Variants in OAF observed in about 807,000 individuals in gnomAD.
OAF encodes out at first homolog.
In OAF, 13 loss-of-function variants were observed where a neutral mutation model predicts 22.5. The ratio of observed to expected loss-of-function variants is 0.58; its 90% CI spans 0.38 to 0.92. The LOEUF (loss-of-function observed/expected upper bound fraction) is 0.92, where lower values mean the gene tolerates loss of function less well. OAF is among the 40% of genes least tolerant of loss of function. OAF has a pLI of 0.00. For missense variants in OAF, 347 were observed against 381.8 expected (o/e 0.91, Z 0.76); for synonymous variants, 175 against 170.5 (o/e 1.03, Z -0.21).
rs146459513 is a variant in OAF, at chr11:120,223,896, G to A, written c.232-1765G>A. Among the ~76,000 whole-genome samples, 492 of 152,288 alleles carry A rather than the reference G, an allele frequency of 3.2e-3. 2 individuals carry two copies. The highest frequency in any genetic ancestry group is 5.6e-3 in the Non-Finnish European group (384 of 68,028). On this transcript the variant is annotated intron_variant, in intron 1 of 3. Transcript: ENST00000328965. The stretch of plus-strand genomic sequence containing the variant: ...CTCAAGCTCTAGCAGGGGAAGTCTG[G>A]TATCAAGTCTCACCTGGCAGGAATT...
intron 3 of OAF, among the ~76,000 whole-genome samples, chr11:120,228,465 A>G (rs1938391146): frequency 1.3e-5 from 2 of 152,138 alleles, no homozygotes; most frequent in African/African-American, 4.8e-5. Flanking sequence ...CGGTATGGTG[A>G]TTTTTTAAAG....
At chr11:120,226,197 G>A (rs1371423503) in intron 2 of OAF, among the ~76,000 whole-genome samples, 1 of 152,150 alleles carries the variant, frequency 6.6e-6, no homozygotes, top group Non-Finnish European at 1.5e-5. Context: ...CATCTCCTCC[G>A]TCACTCATTA....
At chr11:120,223,929 GA>G (rs1938315655) in intron 1 of OAF, among the ~76,000 whole-genome samples, 1 of 152,220 alleles carries the variant, frequency 6.6e-6, no homozygotes, top group Non-Finnish European at 1.5e-5. Context: ...ATTGAGCCCA[GA>G]ATGGAATATG....
At chr11:120,223,205 G>A (rs1349769827) in intron 1 of OAF, among the ~76,000 whole-genome samples, 1 of 152,212 alleles carries the variant, frequency 6.6e-6, no homozygotes, top group Non-Finnish European at 1.5e-5. Context: ...CTTTAGCTGA[G>A]CATCAAGGAG....
Position 120,230,155 on chromosome 11 carries a change from A to G in OAF, c.*1013A>G, listed in dbSNP as rs1025934800. On this transcript the variant is annotated 3_prime_UTR_variant, in exon 4 of 4. Coordinates refer to ENST00000328965, the MANE Select transcript of OAF (RefSeq NM_178507.4). ...CTGCACCCAAGACAATGAGACAGAC[A>G]TAGCTGCAACCGTAGTAAGCCAGTC... 4 of 152,234 alleles carry G rather than the reference A, an allele frequency of 2.6e-5. No homozygotes were observed. Among genetic ancestry groups the G allele is most frequent in the South Asian group, 2.1e-4 (1 of 4,830 alleles). 9.4% of individuals were successfully genotyped at this position (152,234 alleles called of 1,614,324 possible). A position where few individuals can be genotyped will look rare whatever the true frequency, so the allele number is the denominator to read the frequency against.
rs560711886 is a variant in OAF at position 120,224,807 on chromosome 11, A to G, written c.232-854A>G. 6.6e-5 allele frequency among the ~76,000 whole-genome samples: 10 copies of G among 152,312 alleles called. No individual in the cohort carries two copies. In the South Asian group the frequency reaches 2.1e-3, roughly 32 times the overall value. On this transcript the variant is annotated intron_variant, in intron 1 of 3. Coordinates refer to ENST00000328965, the MANE Select transcript of OAF (RefSeq NM_178507.4). Reference sequence around the variant, plus strand: ...TAACTTCTCACTGGGAGCAGAGTTAATCAAGTCACAGAGATGGGTAAGAAG... The same window carrying G: ...TAACTTCTCACTGGGAGCAGAGTTAGTCAAGTCACAGAGATGGGTAAGAAG...
At chr11:120,216,452 A>T (rs1014642501) in intron 1 of OAF, among the ~76,000 whole-genome samples, 17 of 152,206 alleles carry the variant, frequency 1.1e-4, no homozygotes, top group African/African-American at 4.1e-4. Context: ...GGAGAGGCCC[A>T]GACTTTTCTG....
intron 1 of OAF, among the ~76,000 whole-genome samples, chr11:120,219,182 C>T (rs1938250520): frequency 6.6e-6 from 1 of 151,750 alleles, no homozygotes; most frequent in Non-Finnish European, 1.5e-5. Flanking sequence ...CTGCCGGCAA[C>T]AGGGAGACTG....
intron 1 of OAF, among the ~76,000 whole-genome samples, chr11:120,223,739 C>G (rs1938312141): frequency 6.6e-6 from 1 of 152,220 alleles, no homozygotes; most frequent in Non-Finnish European, 1.5e-5. Context: ...CCGGATATTT[C>G]CTGCACCTGC....
In OAF at chr11:120,227,003, T is replaced by A; in HGVS notation, c.547+7T>A. ...CGGTTCTGGCTGGAGCAAGGTCAGCTGGGAGCTGGGCACTGCCCGCTGCTG... is the reference window on the plus strand; with the variant it reads ...CGGTTCTGGCTGGAGCAAGGTCAGCAGGGAGCTGGGCACTGCCCGCTGCTG... On this transcript the variant is annotated splice_region_variant and intron_variant, in intron 3 of 3. Transcript: ENST00000328965. The A allele has an allele frequency of 1.9e-6, 3 of 1,587,494 alleles. 1 individual carries two copies. In the South Asian group the frequency reaches 3.4e-5, roughly 18 times the overall value.
chr11:120,222,961 C>T (rs1032730824), intron 1 of OAF, among the ~76,000 whole-genome samples: 1 of 152,158 alleles, frequency 6.6e-6, no homozygotes, highest in African/African-American at 2.4e-5. Context: ...GCAGGGCAGG[C>T]AGGCGGGTTA....
chr11:120,226,898 A>C lies in OAF; in HGVS notation c.449A>C (p.Gln150Pro). The C allele has an allele frequency of 6.2e-7, 1 of 1,612,640 alleles. No homozygotes were observed. The highest frequency in any genetic ancestry group is 8.5e-7 in the Non-Finnish European group (1 of 1,178,894). ...ATGGATGTCGCTGTCAACTTCAGCC[A>C]GGGGGCCCTGCTGAGCCCCCATCTC... Reference protein sequence around the residue: ...LHMDVAVNFSQGALLSPHLHN... With the variant: ...LHMDVAVNFSPGALLSPHLHN... Residue 150 changes from glutamine (Q) to proline (P), a missense_variant, in exon 3 of 4, where the codon CAG becomes CCG. Gln to Pro is a moderately conservative substitution (Grantham distance 76, BLOSUM62 -1). Transcript: ENST00000328965.
Position 120,213,067 on chromosome 11 carries a change from C to A in OAF, c.231+1557C>A, listed in dbSNP as rs190031975. 8.5e-4 allele frequency among the ~76,000 whole-genome samples: 129 copies of A among 152,098 alleles called. 1 individual carries two copies. The highest frequency in any genetic ancestry group is 1.3e-3 in the Non-Finnish European group (89 of 68,008). On this transcript the variant is annotated intron_variant, in intron 1 of 3. Coordinates refer to ENST00000328965, the MANE Select transcript of OAF (RefSeq NM_178507.4). The stretch of plus-strand genomic sequence containing the variant: ...TAGGCCAGGCTGTGAGGCTCCCAAC[C>A]CCCTGCCCACTGGATGTCATCTTGT...
intron 3 of OAF, among the ~76,000 whole-genome samples, chr11:120,228,434 C>T (rs151168652): frequency 1.3e-5 from 2 of 152,120 alleles, no homozygotes; most frequent in Admixed American, 6.5e-5. Context: ...TGTCTCCCCA[C>T]GCCTCTATCT....
intron 1 of OAF, among the ~76,000 whole-genome samples, chr11:120,218,471 G>A (rs916762043): frequency 1.3e-5 from 2 of 152,196 alleles, no homozygotes; most frequent in Non-Finnish European, 1.5e-5. Context: ...CCCCTCCCCA[G>A]CCCAGCGAAG....
chr11:120,213,705 AAGGCCCCATGCCTCAT>A (rs1346838064), intron 1 of OAF: 1 of 152,082 alleles, frequency 6.6e-6, no homozygotes, highest in African/African-American at 2.4e-5. Context: ...CTCAGTTCTC[AAGGCCCCATGCCTCAT>A]AGTGTTTGTC....
In OAF at chr11:120,226,966, C is replaced by T; in HGVS notation, c.517C>T (p.Gln173Ter). The T allele has an allele frequency of 1.9e-6, 3 of 1,603,156 alleles. No individual in the cohort carries two copies. The highest frequency in any genetic ancestry group is 2.6e-6 in the Non-Finnish European group (3 of 1,171,248). ...AEAVDAIYTRQEDVRFWLEQG... is the reference protein window; with the variant it reads ...AEAVDAIYTR Reference sequence around the variant, plus strand: ...GGCCGTGGATGCCATCTACACCCGCCAGGAGGATGTCCGGTTCTGGCTGGA... The same window carrying T: ...GGCCGTGGATGCCATCTACACCCGCTAGGAGGATGTCCGGTTCTGGCTGGA... Residue 173 changes from glutamine (Q) to a stop codon, truncating the protein, a stop_gained, in exon 3 of 4, where the codon CAG becomes TAG. Transcript: ENST00000328965. LOFTEE classifies it high-confidence loss of function.
Position 120,225,664 on chromosome 11 carries a change from G to T in OAF, c.235G>T (p.Val79Leu), listed in dbSNP as rs1421507207. The change falls in exon 2 of 4, where the codon GTG becomes TTG. Residue 79 changes from valine (V) to leucine (L), a missense_variant. Val to Leu is a conservative substitution (Grantham distance 32, BLOSUM62 1). Coordinates refer to ENST00000328965, the MANE Select transcript of OAF (RefSeq NM_178507.4). ...CCATCCTCCTGCCCTTCTTCAGGAT[G>T]TGAAGGTCTTCCGGGCCCTGATCCT... ...VSFTADFKKD[V>L]KVFRALILGE... The T allele has an allele frequency of 6.3e-7, 1 of 1,594,954 alleles. No homozygotes were observed. The highest frequency in any genetic ancestry group is 1.4e-5 in the African/African-American group (1 of 73,526).
At chr11:120,227,321 C>T (rs1938373109) in intron 3 of OAF, among the ~76,000 whole-genome samples, 1 of 152,166 alleles carries the variant, frequency 6.6e-6, no homozygotes, top group Admixed American at 6.5e-5. Flanking sequence ...GGGAAGGCTT[C>T]CTGGAGGAAA....
Sources: allele counts gnomAD v4.1 joint callset (sites outside exome capture counted in the v4.1 genomes callset), GRCh38; gene constraint gnomAD v4.1.1; transcripts MANE v1.5; gene names NCBI Gene and HGNC (gene_info 2026-07-23, HGNC 2026-07-21).